The following ODR4 variants were observed in gnomAD, a reference collection of about 807,000 sequenced individuals.
The protein encoded by ODR4 is odr-4 GPCR localization factor homolog.
ODR4 carries 47 observed loss-of-function variants against 60.2 expected under a neutral mutation model. The ratio of observed to expected loss-of-function variants is 0.78; its 90% CI spans 0.62 to 1.00. The LOEUF (loss-of-function observed/expected upper bound fraction) is 1.00, where lower values mean the gene tolerates loss of function less well. Among genes scored for constraint, ODR4 ranks in the 50% least tolerant of loss-of-function variants. ODR4 has a pLI of 0.00. For missense variants in ODR4, 488 were observed against 530.8 expected (o/e 0.92, Z 0.79); for synonymous variants, 178 against 175.5 (o/e 1.01, Z -0.11).
rs1571706880 is a variant in ODR4 at position 186,419,064 on chromosome 1, C to T, written c.1353C>T (p.Tyr451=). ...AVLAAGISFH[Y]FSD The stretch of plus-strand genomic sequence containing the variant: ...TTGCTGCGGGTATCTCCTTTCATTA[C>T]TTCAGTGATTAGGGTGAGGCACAAA... Residue 451 remains tyrosine (Y), a synonymous_variant, in exon 14 of 14, where the codon TAC becomes TAT. Transcript: ENST00000287859. 6.2e-7 allele frequency: 1 copy of T among 1,610,578 alleles called. No individual in the cohort carries two copies. The highest frequency in any genetic ancestry group is 8.5e-7 in the Non-Finnish European group (1 of 1,178,224).
At chr1:186,423,608 C>T (rs564436568), downstream of ODR4, among the ~76,000 whole-genome samples, 1 of 151,756 alleles carries the variant, frequency 6.6e-6, no homozygotes, top group East Asian at 1.9e-4. Flanking sequence ...GTGCCCACCA[C>T]CACGCCCGGC....
intron 11 of ODR4, among the ~76,000 whole-genome samples, chr1:186,400,078 G>A (rs1230439103): frequency 2.9e-5 from 4 of 136,422 alleles, no homozygotes; most frequent in Non-Finnish European, 6.1e-5. Context: ...TGCAAGCTCC[G>A]CCTCCCGGGT....
At position 186,398,540 on chromosome 1, in the gene ODR4, C is replaced by T. The variant is rs75374066; in HGVS notation, c.909+99C>T. On this transcript the variant is annotated intron_variant, in intron 10 of 13. Transcript: ENST00000287859. ...ATCTTATATTTTGTAATTATTAATT[C>T]GATTTTAACTGATAATGGCCTATTG... 1.8e-3 allele frequency: 2,201 copies of T among 1,194,006 alleles called. 44 individuals are homozygous for T. The African/African-American group carries it at 0.03, about 16-fold the overall frequency. The allele number at this position is 1,194,006 out of a possible 1,614,324, so 74.0% of individuals were successfully genotyped here.
chr1:186,393,871 G>C lies in ODR4; in HGVS notation c.712-76G>C, dbSNP rs957123975. On this transcript the variant is annotated intron_variant, in intron 8 of 13. Transcript: ENST00000287859. ...TTTTTTTCTAAGTTACTTAGTATAT[G>C]TACAATAGTTTATAAGTTGTCTTTT... The C allele has an allele frequency of 3.9e-6, 3 of 774,722 alleles. No individual in the cohort carries two copies. In the East Asian group the frequency reaches 8.1e-5, roughly 21 times the overall value. The allele number at this position is 774,722 out of a possible 1,614,324, so 48.0% of individuals were successfully genotyped here.
intron 12 of ODR4, among the ~76,000 whole-genome samples, chr1:186,409,200 A>C (rs926778362): frequency 6.6e-6 from 1 of 152,030 alleles, no homozygotes; most frequent in Non-Finnish European, 1.5e-5. Context: ...CTCAAAAAAA[A>C]AAAAAAAAAT....
At chr1:186,383,196 C>T in intron 3 of ODR4, 40 bp downstream of exon 3, 4 of 1,518,482 alleles carry the variant, frequency 2.6e-6, no homozygotes, top group Non-Finnish European at 3.5e-6. Flanking sequence ...AGTTTTATTT[C>T]AAAAAAGAGC....
chr1:186,415,099 AG>A (rs370284187), intron 12 of ODR4, among the ~76,000 whole-genome samples: 1 of 149,948 alleles, frequency 6.7e-6, no homozygotes, highest in Non-Finnish European at 1.5e-5. Context: ...AGAAAAAAAA[AG>A]GGGGGAGGGT....
rs929104128 is a variant in ODR4, at chr1:186,419,088, AAG to A, written c.*15_*16del. 5 of 1,603,270 alleles carry A rather than the reference AAG, an allele frequency of 3.1e-6. No homozygotes were observed. In the African/African-American group the frequency reaches 4.0e-5, roughly 13 times the overall value. On this transcript the variant is annotated 3_prime_UTR_variant, in exon 14 of 14. Transcript: ENST00000287859. Reference sequence around the variant, plus strand: ...ACTTCAGTGATTAGGGTGAGGCACAAAGAGTTTCTTGATCATCCAGAGAACAT... The same window carrying A: ...ACTTCAGTGATTAGGGTGAGGCACAAAGTTTCTTGATCATCCAGAGAACAT...
chr1:186,417,337 A>T (rs997705963), intron 12 of ODR4: 2 of 469,370 alleles, frequency 4.3e-6, no homozygotes, highest in Non-Finnish European at 7.6e-6. Context: ...ATAAAGCTAC[A>T]TTGTTTTGAA....
chr1:186,380,088 C>T (rs977142554), intron 2 of ODR4, among the ~76,000 whole-genome samples: 3 of 152,108 alleles, frequency 2.0e-5, no homozygotes, highest in Admixed American at 6.6e-5. Flanking sequence ...CAATTTTGCT[C>T]GTCAGGACAC....
chr1:186,427,444 T>C, the ODR4 span, among the ~76,000 whole-genome samples: 1 of 152,222 alleles, frequency 6.6e-6, no homozygotes, highest in African/African-American at 2.4e-5. Context: ...TCAAGTTTTA[T>C]CATGATATCG....
chr1:186,434,188 C>A, the ODR4 span, among the ~76,000 whole-genome samples: 1 of 151,844 alleles, frequency 6.6e-6, no homozygotes, highest in East Asian at 1.9e-4. Context: ...TCTAATAATG[C>A]TTTTTCTCTT....
chr1:186,395,336 G>T (rs1192699031), intron 9 of ODR4, among the ~76,000 whole-genome samples: 2 of 152,074 alleles, frequency 1.3e-5, no homozygotes, highest in Non-Finnish European at 2.9e-5. Flanking sequence ...CATATGATCC[G>T]CCTGCCTCGG....
At chr1:186,392,045 T>C (rs540251255) in intron 8 of ODR4, among the ~76,000 whole-genome samples, 2 of 152,214 alleles carry the variant, frequency 1.3e-5, no homozygotes, top group African/African-American at 4.8e-5. Context: ...AACTCAGCAT[T>C]ACTATCGGTA....
intron 6 of ODR4, 55 bp from the exon 7 acceptor site, chr1:186,390,656 C>T: frequency 1.9e-6 from 3 of 1,543,228 alleles, no homozygotes; most frequent in Admixed American, 1.7e-5. Context: ...TTTGTTGATC[C>T]ATGTATTTTA....
intron 5 of ODR4, among the ~76,000 whole-genome samples, chr1:186,389,072 A>G (rs892426503): frequency 1.3e-5 from 2 of 151,998 alleles, no homozygotes; most frequent in African/African-American, 4.8e-5. Context: ...GGTCATCCTC[A>G]CCAAAGGAGT....
intron 12 of ODR4, among the ~76,000 whole-genome samples, chr1:186,414,564 G>A (rs1191190927): frequency 1.3e-5 from 2 of 149,868 alleles, no homozygotes; most frequent in Admixed American, 6.6e-5. Context: ...CTGTTGCCCA[G>A]GCTGGAGTGC....
the ODR4 span, among the ~76,000 whole-genome samples, chr1:186,430,425 T>G: frequency 6.6e-6 from 1 of 152,044 alleles, no homozygotes; most frequent in African/African-American, 2.4e-5. Flanking sequence ...TACAGAATGG[T>G]GAAGAGGAAC....
intron 9 of ODR4, among the ~76,000 whole-genome samples, chr1:186,394,479 A>C (rs559038155): frequency 6.6e-6 from 1 of 152,310 alleles, no homozygotes; most frequent in Admixed American, 6.5e-5. Flanking sequence ...TGGTTGCTTT[A>C]ATTTACACGT....
Sources: allele counts gnomAD v4.1 joint callset (sites outside exome capture counted in the v4.1 genomes callset), GRCh38; gene constraint gnomAD v4.1.1; transcripts MANE v1.5; gene names NCBI Gene and HGNC (gene_info 2026-07-23, HGNC 2026-07-21).